TRPC4: variants seen among roughly 807,000 people sequenced by gnomAD.
TRPC4 encodes the protein short transient receptor potential channel 4.
In TRPC4, 49 loss-of-function variants were observed where a neutral mutation model predicts 99.4. The observed-to-expected ratio is 0.49, with a 90% CI of 0.39 to 0.63. The LOEUF (loss-of-function observed/expected upper bound fraction) is 0.63, where lower values mean the gene tolerates loss of function less well. Among genes scored for constraint, TRPC4 ranks in the 20% least tolerant of loss-of-function variants. The pLI is 0.00. For synonymous variants in TRPC4, 454 were observed against 425.9 expected (o/e 1.07, Z -0.81); for missense variants, 898 against 1,152.9 (o/e 0.78, Z 3.20).
chr13:37,692,234 A>G lies in TRPC4; in HGVS notation c.999T>C (p.Cys333=), dbSNP rs35069466. Residue 333 remains cysteine (C), a synonymous_variant, in exon 4 of 11, where the codon TGT becomes TGC. Transcript: ENST00000379705. ...RRHWAVKMVT[C]FIIGLLFPVF... is the part of the protein sequence containing the mutation. The stretch of plus-strand genomic sequence containing the variant: ...CAGGAAAAAGAAGTCCTATTATGAA[A>G]CATGTCACCATCTTCACTGCCCAGT... 9.4e-4 allele frequency: 1,518 copies of G among 1,614,138 alleles called. 20 individuals are homozygous for G. In the African/African-American group the frequency reaches 0.019, roughly 20 times the overall value.
At chr13:37,673,369 C>T (rs1924303) in intron 5 of TRPC4, among the ~76,000 whole-genome samples, 20,361 of 151,978 alleles carry the variant, frequency 0.13, 1,621 homozygotes, top group Middle Eastern at 0.24. Flanking sequence ...ATTTTAAGAA[C>T]TAGGCTAAAT....
intron 1 of TRPC4, among the ~76,000 whole-genome samples, chr13:37,843,870 C>T (rs1440144337): frequency 6.6e-6 from 1 of 152,164 alleles, no homozygotes; most frequent in Non-Finnish European, 1.5e-5. Flanking sequence ...GAGTCAAGGA[C>T]ACTCCTTTCT....
At chr13:37,815,082 AAG>A (rs1194039957) in intron 1 of TRPC4, among the ~76,000 whole-genome samples, 1 of 151,824 alleles carries the variant, frequency 6.6e-6, no homozygotes, top group Non-Finnish European at 1.5e-5. Context: ...TAATGGAAAA[AAG>A]ATCTTTCAAT....
chr13:37,670,422 G>A (rs1420160320), intron 5 of TRPC4, among the ~76,000 whole-genome samples: 1 of 152,082 alleles, frequency 6.6e-6, no homozygotes, highest in East Asian at 1.9e-4. Context: ...TCCTGTTCAG[G>A]AATCCTCAGA....
At chr13:37,850,216 G>C (rs1398069069) in intron 1 of TRPC4, among the ~76,000 whole-genome samples, 1 of 152,036 alleles carries the variant, frequency 6.6e-6, no homozygotes, top group East Asian at 1.9e-4. Context: ...ATAGAAATGG[G>C]GATTACTCAG....
intron 1 of TRPC4, among the ~76,000 whole-genome samples, chr13:37,847,745 G>C (rs957451231): frequency 2.4e-4 from 36 of 152,058 alleles, no homozygotes; most frequent in African/African-American, 8.7e-4. Flanking sequence ...GCCAAGCAAA[G>C]AAAGACAAAT....
rs1956877720 is a variant in TRPC4 at position 37,782,939 on chromosome 13, TGTATTTTTGCAG to T, written c.378+5_378+16del. 3 of 1,411,016 alleles carry T rather than the reference TGTATTTTTGCAG, an allele frequency of 2.1e-6. No homozygotes were observed. 87.4% of individuals were successfully genotyped at this position (1,411,016 alleles called of 1,614,324 possible). A position where few individuals can be genotyped will look rare whatever the true frequency, so the allele number is the denominator to read the frequency against. ...TCTGCAGGTAAAATAAATTAAAAACTGTATTTTTGCAGGTACCTGTTTTTCTCCACTAGGTTT... is the reference window on the plus strand; with the variant it reads ...TCTGCAGGTAAAATAAATTAAAAACTGTACCTGTTTTTCTCCACTAGGTTT... On this transcript the variant is annotated splice_donor_5th_base_variant and intron_variant, in intron 2 of 10. Coordinates refer to ENST00000379705, the MANE Select transcript of TRPC4 (RefSeq NM_016179.4).
At chr13:37,814,635 T>C (rs995925388) in intron 1 of TRPC4, among the ~76,000 whole-genome samples, 3 of 151,832 alleles carry the variant, frequency 2.0e-5, no homozygotes, top group Non-Finnish European at 4.4e-5. Flanking sequence ...TCACTTGTAG[T>C]GAATGACTTG....
At chr13:37,773,611 C>T (rs772276609) in intron 2 of TRPC4, among the ~76,000 whole-genome samples, 1 of 151,708 alleles carries the variant, frequency 6.6e-6, no homozygotes, top group Non-Finnish European at 1.5e-5. Flanking sequence ...TACTTAGTTA[C>T]TTATAGTGGC....
chr13:37,655,220 G>A lies in TRPC4; in HGVS notation c.1752C>T (p.Thr584=), dbSNP rs1186524416. ...TAAATTCATGCTGTGCTTTGACATTGGTCACATATAAATTGATGAGCCCAA... is the reference window on the plus strand; with the variant it reads ...TAAATTCATGCTGTGCTTTGACATTAGTCACATATAAATTGATGAGCCCAA... ...SIFGLINLYV[T]NVKAQHEFTE... is the part of the protein sequence containing the mutation. The change falls in exon 7 of 11, where the codon ACC becomes ACT. Residue 584 remains threonine (T), a synonymous_variant. Transcript: ENST00000379705. 1 of 1,607,716 alleles carries A rather than the reference G, an allele frequency of 6.2e-7. No individual in the cohort carries two copies. Among genetic ancestry groups the A allele is most frequent in the Non-Finnish European group, 8.5e-7 (1 of 1,176,458 alleles).
In TRPC4 at chr13:37,661,738, G is replaced by C. The variant is rs183386814; in HGVS notation, c.1688+1678C>G. ...ATGAAGGAAGAGGTTGGTGGGGTCT[G>C]ACCATTGTAAATCTCTAATCCGTTT... On this transcript the variant is annotated intron_variant, in intron 6 of 10. Transcript: ENST00000379705. Among the ~76,000 whole-genome samples, 605 of 151,524 alleles carry C rather than the reference G, an allele frequency of 4.0e-3. 2 individuals are homozygous for C. The highest frequency in any genetic ancestry group is 7.0e-3 in the Non-Finnish European group (478 of 67,852).
chr13:37,819,479 T>C lies in TRPC4; in HGVS notation c.-27-36119A>G, dbSNP rs550422307. Among the ~76,000 whole-genome samples the C allele has an allele frequency of 1.1e-3, 171 of 152,114 alleles. 1 individual carries two copies. The highest frequency in any genetic ancestry group is 4.0e-3 in the African/African-American group (167 of 41,544). On this transcript the variant is annotated intron_variant, in intron 1 of 10. Transcript: ENST00000379705. ...AAAGAAAATGTGATACACCATGGAA[T>C]ACTATGTAGCCATGAAAAGAACAAG...
At chr13:37,638,893 G>A (rs1951620185) in intron 10 of TRPC4, 147 bp downstream of exon 10, 3 of 750,238 alleles carry the variant, frequency 4.0e-6, no homozygotes, top group South Asian at 3.5e-5. Flanking sequence ...TCTTTTTACA[G>A]TTCTGTAGGG....
At chr13:37,868,432 C>T (rs1275153478) in intron 1 of TRPC4, among the ~76,000 whole-genome samples, 3 of 152,106 alleles carry the variant, frequency 2.0e-5, no homozygotes, top group Non-Finnish European at 4.4e-5. Context: ...TTAACATCTC[C>T]ACCCACTCTT....
intron 3 of TRPC4, among the ~76,000 whole-genome samples, chr13:37,725,349 T>G (rs1593595467): frequency 6.6e-6 from 1 of 152,166 alleles, no homozygotes; most frequent in East Asian, 1.9e-4. Flanking sequence ...TTCCCCAAAT[T>G]TGATGAAAAG....
chr13:37,852,262 G>T (rs565967409), intron 1 of TRPC4, among the ~76,000 whole-genome samples: 2 of 152,096 alleles, frequency 1.3e-5, no homozygotes, highest in Non-Finnish European at 1.5e-5. Context: ...GAGTAAAGAC[G>T]ACTCTGTCTT....
At chr13:37,826,806 C>T (rs1287949128) in intron 1 of TRPC4, among the ~76,000 whole-genome samples, 35 of 152,234 alleles carry the variant, frequency 2.3e-4, no homozygotes, top group Admixed American at 2.3e-3. Context: ...TTTCCTGAAT[C>T]TGAATGTTGC....
intron 1 of TRPC4, among the ~76,000 whole-genome samples, chr13:37,814,026 A>G (rs1376751272): frequency 6.6e-6 from 1 of 151,892 alleles, no homozygotes; most frequent in African/African-American, 2.4e-5. Flanking sequence ...ATTTAGTTCA[A>G]CAGATGAAAA....
chr13:37,671,900 A>G (rs887208472), intron 5 of TRPC4, among the ~76,000 whole-genome samples: 4 of 152,194 alleles, frequency 2.6e-5, no homozygotes, highest in Admixed American at 2.6e-4. Flanking sequence ...CTGAACTCCT[A>G]TGACCATATA....
Sources: allele counts gnomAD v4.1 joint callset (sites outside exome capture counted in the v4.1 genomes callset), GRCh38; gene constraint gnomAD v4.1.1; transcripts MANE v1.5; gene names NCBI Gene and HGNC (gene_info 2026-07-23, HGNC 2026-07-21).